HLTF: variants seen among roughly 807,000 people sequenced by gnomAD.
HLTF encodes the protein DNA-dependent ATPase/E3 ubiquitin-protein ligase HLTF.
Under a neutral mutation model 129.4 loss-of-function variants are expected in HLTF, and 127 were observed. The observed-to-expected ratio is 0.98, with a 90% confidence interval of 0.85 to 1.14. The LOEUF (loss-of-function observed/expected upper bound fraction) is 1.14, where lower values mean the gene tolerates loss of function less well. Among genes scored for constraint, HLTF ranks in the 50% most tolerant of loss-of-function variants. The pLI is 0.00. For synonymous variants in HLTF, 332 were observed against 388.8 expected, an observed-to-expected ratio of 0.85 and a Z score of 1.72; for missense variants, 1,139 against 1,187.1, an observed-to-expected ratio of 0.96 and a Z score of 0.60.
At chr3:149,056,818 A>T (rs1717475216) in intron 13 of HLTF, among the ~76,000 whole-genome samples, 1 of 152,186 alleles carries the variant, frequency 6.6e-6, no homozygotes, top group Non-Finnish European at 1.5e-5. Flanking sequence ...TGGATTAAAA[A>T]TACAGAATGG....
At chr3:149,077,891 C>G (rs1019992061) in intron 2 of HLTF, among the ~76,000 whole-genome samples, 5 of 151,954 alleles carry the variant, frequency 3.3e-5, no homozygotes, top group Admixed American at 3.3e-4. Flanking sequence ...ATCAGCTGAC[C>G]GCTAAGCTAA....
At chr3:149,083,165 C>T (rs144143268) in intron 2 of HLTF, among the ~76,000 whole-genome samples, 1 of 151,934 alleles carries the variant, frequency 6.6e-6, no homozygotes, top group Non-Finnish European at 1.5e-5. Flanking sequence ...GCAGGAGAAC[C>T]GCTTGAACCT....
chr3:149,079,587 T>G (rs1465731204), intron 2 of HLTF, among the ~76,000 whole-genome samples: 2 of 151,700 alleles, frequency 1.3e-5, no homozygotes, highest in African/African-American at 4.9e-5. Context: ...AAGGTTTTTT[T>G]GGGGTTTTCT....
chr3:149,037,480 A>AG (rs1254075785), intron 23 of HLTF, among the ~76,000 whole-genome samples: 2 of 151,608 alleles, frequency 1.3e-5, no homozygotes, highest in East Asian at 1.9e-4. Flanking sequence ...AAAAAAAAAA[A>AG]AAAGAAAAAA....
intron 22 of HLTF, 128 bp downstream of exon 22, chr3:149,039,453 A>C: frequency 3.3e-6 from 2 of 608,772 alleles, no homozygotes; most frequent in South Asian, 5.8e-5. Context: ...CTCTATTGTG[A>C]CTCTGAATAT....
chr3:149,046,162 ATACTT>A lies in HLTF; in HGVS notation c.1985_1989del (p.Lys662IlefsTer10). 6.2e-7 allele frequency: 1 copy of A among 1,609,740 alleles called. No homozygotes were observed. Among genetic ancestry groups the A allele is most frequent in the Non-Finnish European group, 8.5e-7 (1 of 1,176,910 alleles). Reference sequence around the variant, plus strand: ...TCTGAAAGTGTAATGTGCTGAATAAATACTTTACGTTCTGGTAACTCCAAAACAGG... The same window carrying A: ...TCTGAAAGTGTAATGTGCTGAATAAATACGTTCTGGTAACTCCAAAACAGG... On this transcript the variant is annotated frameshift_variant, in exon 18 of 25. Transcript: ENST00000310053. LOFTEE classifies it high-confidence loss of function.
At chr3:149,075,237 T>C (rs551270445) in intron 3 of HLTF, among the ~76,000 whole-genome samples, 122 of 152,322 alleles carry the variant, frequency 8.0e-4, no homozygotes, top group South Asian at 2.7e-3. Flanking sequence ...AATACCAGTT[T>C]ATAACCTCTG....
rs1714879352 is a variant in HLTF at position 149,030,144 on chromosome 3, T to C, written c.*2076A>G. 1.3e-5 allele frequency: 2 copies of C among 152,252 alleles called. No homozygotes were observed. The highest frequency in any genetic ancestry group is 2.9e-5 in the Non-Finnish European group (2 of 68,046). The allele number at this position is 152,252 out of a possible 1,614,324, so 9.4% of individuals were successfully genotyped here. On this transcript the variant is annotated 3_prime_UTR_variant, in exon 25 of 25. Coordinates refer to ENST00000310053, the MANE Select transcript of HLTF (RefSeq NM_003071.4). ...AGGTAATAAACATTTGAAATTTTTA[T>C]TGATTTTTAAATTTAAAATCCAGTT...
intron 5 of HLTF, among the ~76,000 whole-genome samples, chr3:149,072,745 T>C (rs1481180176): frequency 1.3e-5 from 2 of 152,252 alleles, no homozygotes; most frequent in Non-Finnish European, 2.9e-5. Context: ...AAAAAAGTTT[T>C]AATGTTATTT....
intron 15 of HLTF, among the ~76,000 whole-genome samples, chr3:149,049,938 G>A (rs1452075601): frequency 6.6e-6 from 1 of 151,968 alleles, no homozygotes; most frequent in Non-Finnish European, 1.5e-5. Flanking sequence ...GTTGCAGTGA[G>A]CTGAGATCAC....
chr3:149,035,932 G>A (rs913836452), intron 23 of HLTF, among the ~76,000 whole-genome samples: 2 of 151,666 alleles, frequency 1.3e-5, no homozygotes, highest in Non-Finnish European at 1.5e-5. Context: ...TCAGGAGATC[G>A]AGACCATCCT....
intron 1 of HLTF, among the ~76,000 whole-genome samples, chr3:149,085,892 A>T (rs772816): frequency 1.3e-5 from 2 of 152,132 alleles, no homozygotes; most frequent in East Asian, 3.9e-4. Flanking sequence ...CAAGTGGCGC[A>T]TATCTCTACT....
At chr3:149,063,024 TAACAA>T in intron 10 of HLTF, 2 of 455,600 alleles carry the variant, frequency 4.4e-6, no homozygotes, top group Non-Finnish European at 8.8e-6. Context: ...AAGAACTACT[TAACAA>T]ATATAAGGGT....
At chr3:149,068,058 C>A (rs1409240359) in intron 8 of HLTF, among the ~76,000 whole-genome samples, 182 bp downstream of exon 8, 2 of 152,122 alleles carry the variant, frequency 1.3e-5, no homozygotes, top group African/African-American at 4.8e-5. Flanking sequence ...CACACCTTGT[C>A]TGAAAACGTA....
intron 2 of HLTF, among the ~76,000 whole-genome samples, chr3:149,078,419 A>T (rs1719571486): frequency 6.6e-6 from 1 of 152,154 alleles, no homozygotes; most frequent in African/African-American, 2.4e-5. Context: ...GTATGGTGGT[A>T]CATGCCTGTA....
intron 14 of HLTF, among the ~76,000 whole-genome samples, 157 bp from the exon 15 acceptor site, chr3:149,050,532 A>G (rs984708657): frequency 6.6e-6 from 1 of 152,242 alleles, no homozygotes; most frequent in East Asian, 1.9e-4. Context: ...AATAATAACA[A>G]TAAGAAAAAT....
At chr3:149,082,414 C>T (rs812820) in intron 2 of HLTF, among the ~76,000 whole-genome samples, 1 of 152,068 alleles carries the variant, frequency 6.6e-6, no homozygotes, top group African/African-American at 2.4e-5. Flanking sequence ...AGCCGAGATC[C>T]CGCCACTGCG....
chr3:149,080,289 G>C lies in HLTF; in HGVS notation c.229-4242C>G, dbSNP rs564188035. Among the ~76,000 whole-genome samples, 20 of 152,224 alleles carry C rather than the reference G, an allele frequency of 1.3e-4. No individual in the cohort carries two copies. In the South Asian group the frequency reaches 3.9e-3, roughly 30 times the overall value. The stretch of plus-strand genomic sequence containing the variant: ...ATTGTAGGGATGGTTGCACAACCTT[G>C]TGAGTATTCTAAAAACTACTCAACT... On this transcript the variant is annotated intron_variant, in intron 2 of 24. Coordinates refer to ENST00000310053, the MANE Select transcript of HLTF (RefSeq NM_003071.4).
intron 23 of HLTF, among the ~76,000 whole-genome samples, chr3:149,035,302 T>A (rs1049082858): frequency 1.3e-5 from 2 of 151,936 alleles, no homozygotes; most frequent in Non-Finnish European, 2.9e-5. Flanking sequence ...TAAAAGAATC[T>A]ATGTGTGCTT....
Sources: gnomAD v4.1 joint callset for allele counts (sites outside exome capture counted in the v4.1 genomes callset) on GRCh38, gnomAD v4.1.1 for gene constraint, MANE v1.5 for transcripts, NCBI Gene and HGNC (gene_info 2026-07-23, HGNC 2026-07-21) for gene names.